The following ARHGEF11 variants were observed in gnomAD, a reference collection of about 807,000 sequenced individuals.
ARHGEF11 encodes Rho guanine exchange factor (GEF) 11.
Under a neutral mutation model 193.7 loss-of-function variants are expected in ARHGEF11, and 55 were observed. The observed-to-expected ratio is 0.28, with a 90% CI of 0.23 to 0.36. The LOEUF (loss-of-function observed/expected upper bound fraction) is 0.36. Ranked by LOEUF, ARHGEF11 falls within the 10% of genes least tolerant of loss-of-function variation. The pLI, the probability that ARHGEF11 is intolerant of heterozygous loss-of-function variation, is 1.00. For missense variants in ARHGEF11, 1,723 were observed against 2,005.6 expected (o/e 0.86, Z 2.69); for synonymous variants, 693 against 768.0 (o/e 0.90, Z 1.62).
At chr1:156,964,123 G>A (rs537724315) in intron 11 of ARHGEF11, among the ~76,000 whole-genome samples, 1 of 152,248 alleles carries the variant, frequency 6.6e-6, no homozygotes, top group East Asian at 1.9e-4. Context: ...ATGGAGATGC[G>A]GCTGATCTTT....
intron 1 of ARHGEF11, among the ~76,000 whole-genome samples, chr1:157,002,574 T>C (rs945238394): frequency 3.9e-5 from 6 of 152,182 alleles, no homozygotes; most frequent in African/African-American, 1.4e-4. Context: ...GTCCATACTA[T>C]GCTATTTGGC....
chr1:156,981,601 G>A (rs1020963780), intron 3 of ARHGEF11, among the ~76,000 whole-genome samples: 1 of 152,030 alleles, frequency 6.6e-6, no homozygotes, highest in Non-Finnish European at 1.5e-5. Flanking sequence ...CTCGGCCTCC[G>A]AAGTAGCTGG....
Position 157,021,646 on chromosome 1 carries a change from AAGTT to A in ARHGEF11, c.32+22649_32+22652del, listed in dbSNP as rs1252851746. On this transcript the variant is annotated intron_variant, in intron 1 of 40. Transcript: ENST00000368194. ...GAGGCCAAATAAAGCAGTGGAAAAAAAGTTAGACTAAATTCAAAAGTCTTGCATT... is the reference window on the plus strand; with the variant it reads ...GAGGCCAAATAAAGCAGTGGAAAAAAAGACTAAATTCAAAAGTCTTGCATT... Among the ~76,000 whole-genome samples the A allele has an allele frequency of 6.1e-5, 9 of 147,302 alleles. 1 individual carries two copies. Among genetic ancestry groups the A allele is most frequent in the Non-Finnish European group, 1.1e-4 (7 of 65,976 alleles).
chr1:156,949,108 TTCTTA>T lies in ARHGEF11; in HGVS notation c.1926-615_1926-611del, dbSNP rs1658680472. 29 of 985,412 alleles carry T rather than the reference TTCTTA, an allele frequency of 2.9e-5. No homozygotes were observed. The South Asian group carries it at 1.3e-3, about 45-fold the overall frequency. 61.0% of individuals were successfully genotyped at this position (985,412 alleles called of 1,614,324 possible). A position where few individuals can be genotyped will look rare whatever the true frequency, so the allele number is the denominator to read the frequency against. On this transcript the variant is annotated intron_variant, in intron 22 of 40. Coordinates refer to ENST00000368194, the MANE Select transcript of ARHGEF11 (RefSeq NM_198236.3). Reference sequence around the variant, plus strand: ...CCAGTTGTGATGTGGATGAGTTCCATTCTTATCTTAACAATACTGTTCCTAAGATT... The same window carrying T: ...CCAGTTGTGATGTGGATGAGTTCCATTCTTAACAATACTGTTCCTAAGATT...
At chr1:157,012,025 A>G (rs1406072889) in intron 1 of ARHGEF11, among the ~76,000 whole-genome samples, 1 of 152,216 alleles carries the variant, frequency 6.6e-6, no homozygotes, top group African/African-American at 2.4e-5. Context: ...AAACTTGTAC[A>G]TGAAGGTTCA....
In ARHGEF11 at chr1:157,022,752, C is replaced by T. The variant is rs372920620; in HGVS notation, c.32+21547G>A. ...AAAACTCAAAGTTGGAGAACTCACA[C>T]TTTCTGATTTCAAAACCTATTACCA... On this transcript the variant is annotated intron_variant, in intron 1 of 40. Transcript: ENST00000368194. Among the ~76,000 whole-genome samples the T allele has an allele frequency of 4.9e-4, 75 of 152,238 alleles. 1 individual carries two copies. The highest frequency in any genetic ancestry group is 1.7e-3 in the African/African-American group (72 of 41,542).
At chr1:157,036,546 G>A (rs1396435307) in intron 1 of ARHGEF11, among the ~76,000 whole-genome samples, 3 of 151,686 alleles carry the variant, frequency 2.0e-5, no homozygotes, top group East Asian at 2.0e-4. Flanking sequence ...GGTCTCAAAC[G>A]CCTCACCTCA....
intron 27 of ARHGEF11, 62 bp downstream of exon 27, chr1:156,946,874 G>A: frequency 6.2e-7 from 1 of 1,613,104 alleles, no homozygotes; most frequent in Non-Finnish European, 8.5e-7. Flanking sequence ...CTGGCCTTGG[G>A]TAATGAGACC....
chr1:157,004,304 A>T (rs1303721751), intron 1 of ARHGEF11, among the ~76,000 whole-genome samples: 3 of 152,100 alleles, frequency 2.0e-5, no homozygotes, highest in Non-Finnish European at 2.9e-5. Context: ...TTAAGGATTC[A>T]CTCTGCTCCC....
At chr1:157,031,135 T>C (rs1671258626) in intron 1 of ARHGEF11, among the ~76,000 whole-genome samples, 1 of 152,060 alleles carries the variant, frequency 6.6e-6, no homozygotes, top group Admixed American at 6.6e-5. Context: ...TCCAGCAGAG[T>C]GAAAGTTCCA....
rs537664669 is a variant in ARHGEF11, at chr1:156,963,446, C to T, written c.1038+74G>A. 1.5e-5 allele frequency: 23 copies of T among 1,550,946 alleles called. No homozygotes were observed. In the African/African-American group the frequency reaches 1.8e-4, roughly 12 times the overall value. ...AGTTCCCTTCACAGCTGATGCTAGT[C>T]AAACTGCTTCTAGTCAAGAGCAGCT... On this transcript the variant is annotated intron_variant, in intron 12 of 40. Transcript: ENST00000368194.
At chr1:157,046,019 C>T (rs111738936), upstream of ARHGEF11, among the ~76,000 whole-genome samples, 2 of 151,178 alleles carry the variant, frequency 1.3e-5, no homozygotes, top group East Asian at 3.9e-4. Context: ...GCGACTCCCG[C>T]CGACCGGCCC....
chr1:157,005,674 T>G (rs1161890316), intron 1 of ARHGEF11, among the ~76,000 whole-genome samples: 2 of 152,248 alleles, frequency 1.3e-5, no homozygotes, highest in African/African-American at 2.4e-5. Context: ...AAATTTATTC[T>G]TGTACTGCTA....
intron 38 of ARHGEF11, 46 bp downstream of exon 38, chr1:156,938,372 C>A: frequency 1.3e-6 from 2 of 1,571,234 alleles, no homozygotes; most frequent in Non-Finnish European, 8.7e-7. Context: ...ACAGGTTCCA[C>A]ACTCCAGTCT....
Position 156,971,828 on chromosome 1 carries a change from TGAG to T in ARHGEF11, c.583-15_583-13del. ...ACCTCACAGATACGCTAGGGATGGG[TGAG>T]GAGGAGAAGGGGGAGGGGAAAAGGC... On this transcript the variant is annotated splice_polypyrimidine_tract_variant and intron_variant, in intron 7 of 40. Transcript: ENST00000368194. The T allele has an allele frequency of 3.7e-6, 6 of 1,606,680 alleles. No homozygotes were observed. The highest frequency in any genetic ancestry group is 2.2e-5 in the South Asian group (2 of 90,626).
chr1:157,012,490 C>CA (rs1668660146), intron 1 of ARHGEF11, among the ~76,000 whole-genome samples: 3 of 152,008 alleles, frequency 2.0e-5, no homozygotes, highest in Admixed American at 6.6e-5. Flanking sequence ...CAATATATTT[C>CA]AAAAAAACGA....
intron 1 of ARHGEF11, among the ~76,000 whole-genome samples, chr1:157,039,352 C>G (rs906421374): frequency 3.3e-5 from 5 of 152,170 alleles, no homozygotes; most frequent in African/African-American, 1.2e-4. Context: ...AAACTGAGGT[C>G]GAGGGCAGGT....
intron 3 of ARHGEF11, among the ~76,000 whole-genome samples, chr1:156,983,723 T>C (rs1379802525): frequency 6.6e-6 from 1 of 152,254 alleles, no homozygotes; most frequent in African/African-American, 2.4e-5. Context: ...TTTCCATCTT[T>C]CAAACTACTT....
Position 156,941,489 on chromosome 1 carries a change from T to C in ARHGEF11, c.3453-56A>G, listed in dbSNP as rs903592312. 4 of 1,565,090 alleles carry C rather than the reference T, an allele frequency of 2.6e-6. No homozygotes were observed. The Admixed American group carries it at 5.0e-5, about 20-fold the overall frequency. On this transcript the variant is annotated intron_variant, in intron 34 of 40. Coordinates refer to ENST00000368194, the MANE Select transcript of ARHGEF11 (RefSeq NM_198236.3). ...CCCATGAGATTCCACCCTGGACTCATGCATTAGAATGGGCAATGGAGTAGG... is the reference window on the plus strand; with the variant it reads ...CCCATGAGATTCCACCCTGGACTCACGCATTAGAATGGGCAATGGAGTAGG...
Sources: allele counts gnomAD v4.1 joint callset (sites outside exome capture counted in the v4.1 genomes callset), GRCh38; gene constraint gnomAD v4.1.1; transcripts MANE v1.5; gene names NCBI Gene and HGNC (gene_info 2026-07-23, HGNC 2026-07-21).